Variants in GRM3 observed in about 807,000 individuals in gnomAD.
The protein encoded by GRM3 is glutamate metabotropic receptor 3, also known as metabotropic glutamate receptor 3.
A neutral mutation model predicts 70.5 loss-of-function variants in GRM3; 26 were observed. The observed-to-expected ratio is 0.37, with a 90% CI of 0.27 to 0.51. GRM3 has a LOEUF of 0.51. GRM3 is among the 20% of genes least tolerant of loss of function. The pLI is 0.93. For synonymous variants in GRM3, 443 were observed against 434.9 expected (o/e 1.02, Z -0.23); for missense variants, 859 against 1,123.8 (o/e 0.76, Z 3.37).
chr7:86,844,201 T>C (rs1798611772), intron 4 of GRM3, among the ~76,000 whole-genome samples: 1 of 152,186 alleles, frequency 6.6e-6, no homozygotes, highest in Non-Finnish European at 1.5e-5. Context: ...CAAAAATATA[T>C]ATCTCAAATT....
At position 86,675,568 on chromosome 7, in the gene GRM3, T is replaced by C. The variant is rs553226206; in HGVS notation, c.-141+30696T>C. The stretch of plus-strand genomic sequence containing the variant: ...TATAGCCAGATCTGGACTTAACATG[T>C]TCTTGGAGAGCTTGCAAATAGGGTT... On this transcript the variant is annotated intron_variant, in intron 1 of 5. Transcript: ENST00000361669. 3.3e-5 allele frequency among the ~76,000 whole-genome samples: 5 copies of C among 152,158 alleles called. No homozygotes were observed. In the South Asian group the frequency reaches 6.2e-4, roughly 19 times the overall value.
In GRM3 at chr7:86,644,606, G is replaced by A. The variant is rs938814662; in HGVS notation, c.-407G>A. ...CCACTCCCCACTGACTCGGATGCCT[G>A]GATGTTCTGCCACCGGGCAGTGGTC... On this transcript the variant is annotated 5_prime_UTR_variant, in exon 1 of 6. Coordinates refer to ENST00000361669, the MANE Select transcript of GRM3 (RefSeq NM_000840.3). 36 of 430,568 alleles carry A rather than the reference G, an allele frequency of 8.4e-5. No individual in the cohort carries two copies. Among genetic ancestry groups the A allele is most frequent in the African/African-American group, 4.0e-4 (20 of 49,798 alleles). 26.7% of individuals were successfully genotyped at this position (430,568 alleles called of 1,614,324 possible).
chr7:86,785,284 C>T (rs1797196377), intron 2 of GRM3, among the ~76,000 whole-genome samples: 1 of 152,118 alleles, frequency 6.6e-6, no homozygotes, highest in African/African-American at 2.4e-5. Context: ...ATTCAGTATG[C>T]ATATAATCTG....
chr7:86,848,210 T>C (rs777228991), intron 4 of GRM3, among the ~76,000 whole-genome samples: 2 of 152,214 alleles, frequency 1.3e-5, no homozygotes, highest in Non-Finnish European at 2.9e-5. Flanking sequence ...TATATAGTCC[T>C]ATGTAATGAT....
chr7:86,709,473 A>G (rs535895507), intron 1 of GRM3, among the ~76,000 whole-genome samples: 1 of 152,086 alleles, frequency 6.6e-6, no homozygotes, highest in South Asian at 2.1e-4. Context: ...CTTCTCTTTG[A>G]TTGTCAGTTT....
At chr7:86,749,878 A>G (rs1437817263) in intron 1 of GRM3, among the ~76,000 whole-genome samples, 1 of 152,016 alleles carries the variant, frequency 6.6e-6, no homozygotes, top group African/African-American at 2.4e-5. Flanking sequence ...AGTTATCCCC[A>G]GTCAAAAACT....
chr7:86,810,457 A>C (rs1399484409), intron 3 of GRM3, among the ~76,000 whole-genome samples: 4 of 151,986 alleles, frequency 2.6e-5, no homozygotes, highest in African/African-American at 9.7e-5. Flanking sequence ...GGAGTTTTAT[A>C]CTTTCGTTCC....
chr7:86,717,422 G>A lies in GRM3; in HGVS notation c.-140-47584G>A, dbSNP rs369604568. Among the ~76,000 whole-genome samples the A allele has an allele frequency of 5.3e-5, 8 of 152,088 alleles. No homozygotes were observed. In the South Asian group the frequency reaches 8.3e-4, roughly 16 times the overall value. On this transcript the variant is annotated intron_variant, in intron 1 of 5. Transcript: ENST00000361669. ...ATGATAGATACAGACAGAGCAGAAT[G>A]ATAATCAGCAAGTGGCTATCATTTG...
chr7:86,701,383 T>C (rs931972038), intron 1 of GRM3, among the ~76,000 whole-genome samples: 1 of 151,896 alleles, frequency 6.6e-6, no homozygotes, highest in Non-Finnish European at 1.5e-5. Context: ...TAAATTATTT[T>C]TTAGAAAGTA....
chr7:86,729,075 C>A (rs1795659678), intron 1 of GRM3, among the ~76,000 whole-genome samples: 1 of 152,142 alleles, frequency 6.6e-6, no homozygotes, highest in Non-Finnish European at 1.5e-5. Flanking sequence ...GATGCAATCA[C>A]CCCAAATTAC....
At chr7:86,862,009 A>G (rs1056005921) in intron 5 of GRM3, among the ~76,000 whole-genome samples, 4 of 152,202 alleles carry the variant, frequency 2.6e-5, no homozygotes, top group African/African-American at 4.8e-5. Flanking sequence ...GAAACTGATG[A>G]TAGGTTTGAC....
rs530104345 is a variant in GRM3, at chr7:86,669,610, A to G, written c.-141+24738A>G. Among the ~76,000 whole-genome samples the G allele has an allele frequency of 1.3e-3, 193 of 152,312 alleles. 12 individuals carry two copies. The highest frequency in any genetic ancestry group is 1.0e-3 in the Non-Finnish European group (71 of 68,020). Reference sequence around the variant, plus strand: ...TATTTTGTTTTCCAAAAGTGCAACCATAGTTGGTAGTAACGTTGAATGTGG... The same window carrying G: ...TATTTTGTTTTCCAAAAGTGCAACCGTAGTTGGTAGTAACGTTGAATGTGG... On this transcript the variant is annotated intron_variant, in intron 1 of 5. Coordinates refer to ENST00000361669, the MANE Select transcript of GRM3 (RefSeq NM_000840.3).
chr7:86,673,273 G>A (rs1794218517), intron 1 of GRM3, among the ~76,000 whole-genome samples: 1 of 152,044 alleles, frequency 6.6e-6, no homozygotes, highest in African/African-American at 2.4e-5. Context: ...CCTTATTTGT[G>A]GGGGAAGTAA....
rs139227863 is a variant in GRM3, at chr7:86,799,813, G to C, written c.1324+12697G>C. On this transcript the variant is annotated intron_variant, in intron 3 of 5. Transcript: ENST00000361669. ...CAAAGTGCTGGGATTACAGGCGTGAGCCACCATGCCTGGCCAATACCTAGT... is the reference window on the plus strand; with the variant it reads ...CAAAGTGCTGGGATTACAGGCGTGACCCACCATGCCTGGCCAATACCTAGT... Among the ~76,000 whole-genome samples, 4 of 152,270 alleles carry C rather than the reference G, an allele frequency of 2.6e-5. No homozygotes were observed. In the South Asian group the frequency reaches 8.3e-4, roughly 32 times the overall value.
chr7:86,732,869 C>T (rs1204022832), intron 1 of GRM3, among the ~76,000 whole-genome samples: 1 of 152,100 alleles, frequency 6.6e-6, no homozygotes, highest in Non-Finnish European at 1.5e-5. Context: ...GACCAAGGGA[C>T]TGGCATGATC....
intron 1 of GRM3, among the ~76,000 whole-genome samples, chr7:86,661,206 T>G (rs929590809): frequency 2.0e-5 from 3 of 152,044 alleles, no homozygotes; most frequent in Non-Finnish European, 2.9e-5. Flanking sequence ...ATTCTCTTAG[T>G]AACTAGATTT....
At chr7:86,847,640 G>T (rs1237217909) in intron 4 of GRM3, among the ~76,000 whole-genome samples, 1 of 152,054 alleles carries the variant, frequency 6.6e-6, no homozygotes, top group Non-Finnish European at 1.5e-5. Context: ...AGATAACTAA[G>T]ACAAAGAACA....
intron 1 of GRM3, among the ~76,000 whole-genome samples, chr7:86,656,131 A>G (rs193277571): frequency 6.6e-6 from 1 of 152,152 alleles, no homozygotes; most frequent in Admixed American, 6.6e-5. Context: ...GGCCAGTCCA[A>G]TGCAGCAATC....
At chr7:86,751,583 C>T (rs1037036738) in intron 1 of GRM3, among the ~76,000 whole-genome samples, 1 of 152,106 alleles carries the variant, frequency 6.6e-6, no homozygotes, top group Admixed American at 6.6e-5. Context: ...AGTTGCCTGA[C>T]TTAGAATCTT....
Sources: allele counts gnomAD v4.1 joint callset (sites outside exome capture counted in the v4.1 genomes callset), GRCh38; gene constraint gnomAD v4.1.1; transcripts MANE v1.5; gene names NCBI Gene and HGNC (gene_info 2026-07-23, HGNC 2026-07-21).